The following NSRP1 variants were observed in gnomAD, a reference collection of about 807,000 sequenced individuals.
NSRP1 encodes nuclear speckle splicing regulatory protein 1, also known as coiled-coil domain containing 55.
Under a neutral mutation model 54.7 loss-of-function variants are expected in NSRP1, and 24 were observed. The observed-to-expected ratio is 0.44, with a 90% CI of 0.32 to 0.62. The LOEUF (loss-of-function observed/expected upper bound fraction) is 0.62, where lower values mean the gene tolerates loss of function less well. NSRP1 is among the 20% of genes least tolerant of loss of function. The pLI is 0.06. For synonymous variants in NSRP1, 210 were observed against 213.8 expected, an observed-to-expected ratio of 0.98 and a Z score of 0.15; for missense variants, 596 against 651.2, an observed-to-expected ratio of 0.92 and a Z score of 0.92.
rs144705088 is a variant in NSRP1 at position 30,172,014 on chromosome 17, T to TCTCTCA, written c.115-527_115-526insTCTCAC. 8.4e-5 allele frequency among the ~76,000 whole-genome samples: 11 copies of TCTCTCA among 131,170 alleles called. No individual in the cohort carries two copies. In the East Asian group the frequency reaches 1.3e-3, roughly 15 times the overall value. The allele number at this position is 131,170 out of a possible 152,430, so 86.1% of individuals were successfully genotyped here. On this transcript the variant is annotated intron_variant, in intron 2 of 6. Coordinates refer to ENST00000247026, the MANE Select transcript of NSRP1 (RefSeq NM_032141.4). ...CTCTCTCTCTCTCTCTCTCTCTCTC[T>TCTCTCA]CACATGTTCACATGAAGCAAATTGA...
At chr17:30,170,253 G>A (rs1321266931) in intron 2 of NSRP1, among the ~76,000 whole-genome samples, 2 of 151,824 alleles carry the variant, frequency 1.3e-5, no homozygotes, top group Non-Finnish European at 2.9e-5. Context: ...GGATATAGAT[G>A]GTAAAAAGTT....
intron 2 of NSRP1, among the ~76,000 whole-genome samples, chr17:30,141,865 A>C (rs185487205): frequency 6.6e-6 from 1 of 152,290 alleles, no homozygotes; most frequent in Admixed American, 6.5e-5. Flanking sequence ...TTAGCTGGGC[A>C]TGGTGGCCCG....
At chr17:30,171,932 T>TCCCA (rs1491377647) in intron 2 of NSRP1, among the ~76,000 whole-genome samples, 1 of 92,156 alleles carries the variant, frequency 1.1e-5, no homozygotes, top group Non-Finnish European at 2.2e-5. Context: ...TTTCCCCATT[T>TCCCA]CTCACACACA....
chr17:30,128,989 C>G (rs1360458279), intron 2 of NSRP1, among the ~76,000 whole-genome samples: 1 of 150,760 alleles, frequency 6.6e-6, no homozygotes, highest in African/African-American at 2.4e-5. Flanking sequence ...AACTCCAGGC[C>G]TCAAGTGATC....
intron 3 of NSRP1, among the ~76,000 whole-genome samples, 159 bp downstream of exon 3, chr17:30,172,757 G>T (rs1202518453): frequency 6.6e-6 from 1 of 151,760 alleles, no homozygotes; most frequent in African/African-American, 2.4e-5. Flanking sequence ...GATTAAACCA[G>T]TTCTGCTTGT....
intron 2 of NSRP1, among the ~76,000 whole-genome samples, chr17:30,147,326 C>T (rs1453153765): frequency 6.6e-6 from 1 of 151,774 alleles, no homozygotes; most frequent in African/African-American, 2.4e-5. Context: ...CACGGGGTTT[C>T]ACCATGTTGG....
Position 30,185,332 on chromosome 17 carries a change from G to A in NSRP1, c.1335G>A (p.Gln445=), listed in dbSNP as rs779105020. The change falls in exon 7 of 7, where the codon CAG becomes CAA. Residue 445 remains glutamine, a synonymous_variant. Coordinates refer to ENST00000247026, the MANE Select transcript of NSRP1 (RefSeq NM_032141.4). ...RDREKREVGV[Q]SSERNQDRKE... ...GAGAAAAACGAGAGGTAGGTGTTCAGTCTTCAGAAAGAAATCAAGACAGAA... is the reference window on the plus strand; with the variant it reads ...GAGAAAAACGAGAGGTAGGTGTTCAATCTTCAGAAAGAAATCAAGACAGAA... 1 of 1,610,146 alleles carries A rather than the reference G, an allele frequency of 6.2e-7. No individual in the cohort carries two copies. The highest frequency in any genetic ancestry group is 2.2e-5 in the East Asian group (1 of 44,870).
chr17:30,182,064 T>G (rs886417799), intron 6 of NSRP1, among the ~76,000 whole-genome samples: 2 of 150,944 alleles, frequency 1.3e-5, no homozygotes, highest in African/African-American at 4.9e-5. Flanking sequence ...TTTTTTTTTT[T>G]TTTTTTTTAA....
intron 1 of NSRP1, chr17:30,117,643 GT>G (rs778326382): frequency 3.9e-5 from 13 of 329,824 alleles, no homozygotes; most frequent in Non-Finnish European, 6.5e-5. Flanking sequence ...TAGAAACTGT[GT>G]AAGTACACAG....
At chr17:30,144,746 T>C (rs2071837978) in intron 2 of NSRP1, 2 of 152,206 alleles carry the variant, frequency 1.3e-5, no homozygotes, top group Admixed American at 1.3e-4. Context: ...ATACACTTCT[T>C]TTTTGAAACA....
chr17:30,124,847 T>C (rs9898353), intron 2 of NSRP1, among the ~76,000 whole-genome samples: 75,528 of 152,074 alleles, frequency 0.5, 19,320 homozygotes, highest in East Asian at 0.82. Context: ...AAAATCAGTC[T>C]GGTTAATTCC....
At chr17:30,149,099 G>A (rs1249563487) in intron 2 of NSRP1, among the ~76,000 whole-genome samples, 1 of 152,064 alleles carries the variant, frequency 6.6e-6, no homozygotes, top group Non-Finnish European at 1.5e-5. Flanking sequence ...TAAATATTTT[G>A]TAATTTCCTT....
At position 30,184,955 on chromosome 17, in the gene NSRP1, C is replaced by T. The variant is rs1266289108; in HGVS notation, c.958C>T (p.His320Tyr). The T allele has an allele frequency of 6.2e-7, 1 of 1,614,044 alleles. No individual in the cohort carries two copies. The highest frequency in any genetic ancestry group is 1.7e-5 in the Admixed American group (1 of 59,984). ...AGGACATGAGAAAAGGGAAGATCAGCACCAGCAGAAGCAATCCAGAGACCA... is the reference window on the plus strand; with the variant it reads ...AGGACATGAGAAAAGGGAAGATCAGTACCAGCAGAAGCAATCCAGAGACCA... ...SRGHEKREDQ[H>Y]QQKQSRDQEN... The change falls in exon 7 of 7, where the codon CAC (histidine) becomes TAC (tyrosine). Residue 320 changes from histidine (H) to tyrosine (Y), a missense_variant. Physicochemically the swap from His to Tyr is moderately conservative, Grantham distance 83. Coordinates refer to ENST00000247026, the MANE Select transcript of NSRP1 (RefSeq NM_032141.4).
chr17:30,142,980 C>A (rs1255025199), intron 2 of NSRP1, among the ~76,000 whole-genome samples: 1 of 152,086 alleles, frequency 6.6e-6, no homozygotes, highest in African/African-American at 2.4e-5. Context: ...TTTTACTCAA[C>A]CTGTTTGACA....
At chr17:30,135,339 G>A (rs1316469734) in intron 2 of NSRP1, among the ~76,000 whole-genome samples, 2 of 151,258 alleles carry the variant, frequency 1.3e-5, no homozygotes, top group African/African-American at 4.9e-5. Context: ...GCCCAGGCTG[G>A]TCTTGAACTC....
chr17:30,130,920 T>A (rs2071693857), intron 2 of NSRP1, among the ~76,000 whole-genome samples: 2 of 152,242 alleles, frequency 1.3e-5, no homozygotes, highest in African/African-American at 2.4e-5. Flanking sequence ...AACAGATATT[T>A]ATTGATCACT....
chr17:30,184,917 C>T lies in NSRP1; in HGVS notation c.920C>T (p.Ser307Leu). Reference sequence around the variant, plus strand: ...AGTACCAGGCACCACACGAAAGGATCACGAACGTCGAGAGGACATGAGAAA... The same window carrying T: ...AGTACCAGGCACCACACGAAAGGATTACGAACGTCGAGAGGACATGAGAAA... ...GHSTRHHTKG[S>L]RTSRGHEKRE... The change falls in exon 7 of 7, where the codon TCA (serine) becomes TTA (leucine). Residue 307 changes from serine (S) to leucine (L), a missense_variant. By Grantham distance (145) the Ser-to-Leu change is moderately radical (BLOSUM62 -2). Transcript: ENST00000247026. The T allele has an allele frequency of 6.8e-6, 11 of 1,614,058 alleles. No homozygotes were observed. Among genetic ancestry groups the T allele is most frequent in the Non-Finnish European group, 9.3e-6 (11 of 1,180,024 alleles).
intron 2 of NSRP1, among the ~76,000 whole-genome samples, chr17:30,120,247 T>C (rs2071585098): frequency 6.6e-6 from 1 of 152,234 alleles, no homozygotes; most frequent in African/African-American, 2.4e-5. Flanking sequence ...TTTTTCCCCC[T>C]TAACAGTGAC....
At chr17:30,177,043 G>A (rs535909253) in intron 3 of NSRP1, among the ~76,000 whole-genome samples, 2 of 151,414 alleles carry the variant, frequency 1.3e-5, no homozygotes, top group African/African-American at 4.9e-5. Context: ...TTACAACCGG[G>A]GGCAAAAGGC....
Sources: allele counts gnomAD v4.1 joint callset (sites outside exome capture counted in the v4.1 genomes callset), GRCh38; gene constraint gnomAD v4.1.1; transcripts MANE v1.5; gene names NCBI Gene and HGNC (gene_info 2026-07-23, HGNC 2026-07-21).